Variants in RSF1 observed in about 807,000 individuals in gnomAD.
RSF1 encodes the protein HBV pX-associated protein 8.
In RSF1, 13 loss-of-function variants were observed where a neutral mutation model predicts 145.2. The observed-to-expected ratio is 0.09, with a 90% CI of 0.06 to 0.14. The LOEUF is 0.14. RSF1 is among the 10% of genes least tolerant of loss of function. RSF1 has a pLI of 1.00. For missense variants in RSF1, 1,517 were observed against 1,718.2 expected, an observed-to-expected ratio of 0.88 and a Z score of 2.07; for synonymous variants, 577 against 592.6, an observed-to-expected ratio of 0.97 and a Z score of 0.38.
chr11:77,861,057 C>T, the RSF1 span, among the ~76,000 whole-genome samples: 29 of 152,134 alleles, frequency 1.9e-4, no homozygotes, highest in East Asian at 5.0e-3. Context: ...GCCTTTGGTA[C>T]GGAAAGGAGG....
At chr11:77,817,882 T>C (rs544686058) in intron 1 of RSF1, among the ~76,000 whole-genome samples, 1 of 152,294 alleles carries the variant, frequency 6.6e-6, no homozygotes, top group African/African-American at 2.4e-5. Context: ...AAGTTTGTAA[T>C]AGCTGATAAA....
intron 2 of RSF1, among the ~76,000 whole-genome samples, chr11:77,754,774 T>A (rs936050351): frequency 6.6e-6 from 1 of 151,742 alleles, no homozygotes; most frequent in Non-Finnish European, 1.5e-5. Flanking sequence ...AAACAAAAAC[T>A]AAAACTAACA....
At chr11:77,715,820 A>G (rs1404815457) in intron 5 of RSF1, among the ~76,000 whole-genome samples, 1 of 152,210 alleles carries the variant, frequency 6.6e-6, no homozygotes, top group African/African-American at 2.4e-5. Flanking sequence ...TCTGTCGCAC[A>G]GGCTGGAGTA....
chr11:77,827,869 A>G, the RSF1 span, among the ~76,000 whole-genome samples: 1 of 152,216 alleles, frequency 6.6e-6, no homozygotes, highest in Admixed American at 6.5e-5. Context: ...AGGAAATCCT[A>G]AAGAATCCAC....
At chr11:77,805,338 T>C (rs1245124837) in intron 1 of RSF1, among the ~76,000 whole-genome samples, 1 of 151,576 alleles carries the variant, frequency 6.6e-6, no homozygotes, top group African/African-American at 2.4e-5. Flanking sequence ...CGTGGTGGCA[T>C]GCTGAGGCAG....
intron 4 of RSF1, among the ~76,000 whole-genome samples, chr11:77,729,636 A>G (rs1028338154): frequency 8.6e-5 from 13 of 151,738 alleles, no homozygotes; most frequent in Admixed American, 7.9e-4. Flanking sequence ...TCTGCCAAGT[A>G]TGAGCCAAGT....
intron 1 of RSF1, among the ~76,000 whole-genome samples, chr11:77,771,995 C>G (rs1948290272): frequency 6.6e-6 from 1 of 152,152 alleles, no homozygotes; most frequent in Non-Finnish European, 1.5e-5. Context: ...CTTTGCCAAT[C>G]TTAATCCAAA....
chr11:77,671,307 G>T (rs1318052873), intron 15 of RSF1, among the ~76,000 whole-genome samples: 2 of 149,978 alleles, frequency 1.3e-5, no homozygotes, highest in African/African-American at 4.9e-5. Context: ...AGGGGGCACA[G>T]TTATAGCTAT....
intron 2 of RSF1, among the ~76,000 whole-genome samples, chr11:77,757,240 G>C (rs1033613513): frequency 6.6e-6 from 1 of 152,178 alleles, no homozygotes; most frequent in African/African-American, 2.4e-5. Context: ...TAGCATAAAG[G>C]CTAGCATAAA....
At chr11:77,852,224 C>CAAAAAAAAAAAAAAAAAA in the RSF1 span, among the ~76,000 whole-genome samples, 186 of 33,396 alleles carry the variant, frequency 5.6e-3, 11 homozygotes, top group Middle Eastern at 0.013. Context: ...GACACTGTCT[C>CAAAAAAAAAAAAAAAAAA]AAAAAAAAAA....
chr11:77,732,291 TG>T (rs1961225733), intron 4 of RSF1, among the ~76,000 whole-genome samples: 2 of 152,226 alleles, frequency 1.3e-5, no homozygotes, highest in Non-Finnish European at 2.9e-5. Flanking sequence ...ACCCAATGCC[TG>T]TACCCCCATT....
At chr11:77,802,351 G>A (rs1565185375) in intron 1 of RSF1, among the ~76,000 whole-genome samples, 1 of 152,136 alleles carries the variant, frequency 6.6e-6, no homozygotes, top group Non-Finnish European at 1.5e-5. Flanking sequence ...GTGGGTCTGA[G>A]TCTTTAATTT....
chr11:77,737,764 C>A (rs1961401923), intron 4 of RSF1, among the ~76,000 whole-genome samples: 1 of 151,980 alleles, frequency 6.6e-6, no homozygotes, highest in South Asian at 2.1e-4. Context: ...ATTTTCTGAC[C>A]TTTCTGCTGA....
the RSF1 span, among the ~76,000 whole-genome samples, chr11:77,844,595 C>T: frequency 6.6e-6 from 1 of 152,080 alleles, no homozygotes; most frequent in Admixed American, 6.5e-5. Flanking sequence ...CTCCTGACCC[C>T]AAGAAATCCT....
At chr11:77,684,420 T>C (rs1006094230) in intron 10 of RSF1, among the ~76,000 whole-genome samples, 1 of 152,178 alleles carries the variant, frequency 6.6e-6, no homozygotes, top group Non-Finnish European at 1.5e-5. Flanking sequence ...AACTGAAGTT[T>C]TCAACAATCC....
the RSF1 span, among the ~76,000 whole-genome samples, chr11:77,844,986 T>C: frequency 0.011 from 1,677 of 152,330 alleles, 34 homozygotes; most frequent in African/African-American, 0.036. Context: ...ATTAGCATTA[T>C]TAGATCTCCC....
At chr11:77,843,124 C>A in the RSF1 span, among the ~76,000 whole-genome samples, 1 of 152,224 alleles carries the variant, frequency 6.6e-6, no homozygotes, top group East Asian at 1.9e-4. Context: ...CACCATTTTA[C>A]ATCTCCACTA....
chr11:77,846,930 C>T, the RSF1 span, among the ~76,000 whole-genome samples: 1 of 152,246 alleles, frequency 6.6e-6, no homozygotes, highest in Non-Finnish European at 1.5e-5. Context: ...TGCTTCTTTT[C>T]TGTATCCTGT....
chr11:77,818,205 C>G (rs947557857), intron 1 of RSF1, among the ~76,000 whole-genome samples: 2 of 152,140 alleles, frequency 1.3e-5, no homozygotes, highest in Admixed American at 6.5e-5. Context: ...TCAACTGACT[C>G]TAATATTGTA....
Sources: allele counts gnomAD v4.1 joint callset (sites outside exome capture counted in the v4.1 genomes callset), GRCh38; gene constraint gnomAD v4.1.1; transcripts MANE v1.5; gene names NCBI Gene and HGNC (gene_info 2026-07-23, HGNC 2026-07-21).